Variants in METTL15 observed in about 807,000 individuals in gnomAD.
METTL15 encodes 12S rRNA N(4)-cytidine methyltransferase METTL15.
In METTL15, 34 loss-of-function variants were observed where a neutral mutation model predicts 38.3. The observed-to-expected ratio is 0.89, with a 90% CI of 0.68 to 1.18. METTL15 has a LOEUF of 1.18. METTL15 is among the 50% of genes most tolerant of loss of function. The pLI, the probability that METTL15 is intolerant of heterozygous loss-of-function variation, is 0.00. For missense variants in METTL15, 438 were observed against 498.4 expected (o/e 0.88, Z 1.15); for synonymous variants, 162 against 170.9 (o/e 0.95, Z 0.41).
Position 28,439,214 on chromosome 11 carries a change from G to A in METTL15, c.*424+14850G>A, listed in dbSNP as rs573612223. On this transcript the variant is annotated intron_variant and NMD_transcript_variant, in intron 6 of 7. Coordinates refer to the METTL15 transcript ENST00000532947. Reference sequence around the variant, plus strand: ...GAGGGAACAATTGAAGTCCTAAAGGGACTAGGATATCTGTGGAGGTTGACA... The same window carrying A: ...GAGGGAACAATTGAAGTCCTAAAGGAACTAGGATATCTGTGGAGGTTGACA... Among the ~76,000 whole-genome samples, 3 of 152,254 alleles carry A rather than the reference G, an allele frequency of 2.0e-5. No homozygotes were observed. The South Asian group carries it at 6.2e-4, about 32-fold the overall frequency.
At chr11:28,438,146 G>T (rs1020816245) in intron 6 of METTL15, among the ~76,000 whole-genome samples, 3 of 152,118 alleles carry the variant, frequency 2.0e-5, no homozygotes, top group Non-Finnish European at 4.4e-5. Context: ...TGATGTTAAT[G>T]GTAATTCCTT....
intron 3 of METTL15, among the ~76,000 whole-genome samples, chr11:28,346,214 G>T (rs1391343255): frequency 9.2e-5 from 14 of 152,088 alleles, no homozygotes; most frequent in Admixed American, 9.2e-4. Flanking sequence ...TTTTTAAATG[G>T]CATCATTTGA....
chr11:28,212,956 A>AT (rs764844846), intron 4 of METTL15, among the ~76,000 whole-genome samples: 6 of 151,376 alleles, frequency 4.0e-5, no homozygotes, highest in African/African-American at 9.7e-5. Context: ...ACCATGTGTA[A>AT]TTTTTTTTTA....
chr11:28,363,471 C>G (rs1365304358), intron 5 of METTL15, among the ~76,000 whole-genome samples: 2 of 152,172 alleles, frequency 1.3e-5, no homozygotes, highest in African/African-American at 4.8e-5. Flanking sequence ...TGCACCCAGC[C>G]TTCACTTGTA....
intron 4 of METTL15, among the ~76,000 whole-genome samples, chr11:28,251,131 C>T (rs989552445): frequency 1.3e-5 from 2 of 151,992 alleles, no homozygotes; most frequent in Non-Finnish European, 2.9e-5. Flanking sequence ...TCTGGTATTT[C>T]TATTAACTAG....
chr11:28,306,995 T>C (rs567262413), intron 6 of METTL15, among the ~76,000 whole-genome samples: 1 of 152,116 alleles, frequency 6.6e-6, no homozygotes, highest in East Asian at 1.9e-4. Flanking sequence ...ATATATTTTA[T>C]ATTTCTTATA....
intron 6 of METTL15, among the ~76,000 whole-genome samples, chr11:28,454,215 G>T (rs1590380248): frequency 1.3e-5 from 2 of 152,292 alleles, no homozygotes; most frequent in Middle Eastern, 3.4e-3. Flanking sequence ...TAATCCTCCA[G>T]CTTTACTGGT....
chr11:28,443,349 T>C (rs1851050546), intron 6 of METTL15, among the ~76,000 whole-genome samples: 1 of 152,156 alleles, frequency 6.6e-6, no homozygotes, highest in Non-Finnish European at 1.5e-5. Flanking sequence ...GAGTTCTCCC[T>C]ATCTTTCCAC....
chr11:28,495,836 G>A (rs1851531487), intron 6 of METTL15, among the ~76,000 whole-genome samples: 1 of 151,460 alleles, frequency 6.6e-6, no homozygotes, highest in Non-Finnish European at 1.5e-5. Context: ...ATGCTGGAAA[G>A]CTCAGAGAAA....
At chr11:28,117,904 T>C (rs1852044028) in intron 3 of METTL15, among the ~76,000 whole-genome samples, 1 of 152,222 alleles carries the variant, frequency 6.6e-6, no homozygotes, top group Admixed American at 6.5e-5. Flanking sequence ...CTTTTCAAAC[T>C]ATGAGTCATA....
intron 6 of METTL15, among the ~76,000 whole-genome samples, chr11:28,519,774 A>G (rs970548508): frequency 2.6e-4 from 40 of 152,288 alleles, no homozygotes; most frequent in African/African-American, 9.4e-4. Flanking sequence ...GCTAAAAAAA[A>G]ATAGCATAGA....
chr11:28,387,463 A>G (rs11030316), intron 5 of METTL15, among the ~76,000 whole-genome samples: 64,099 of 151,728 alleles, frequency 0.42, 14,942 homozygotes, highest in Admixed American at 0.54. Context: ...ATATATTTAC[A>G]GAACCATGCA....
At chr11:28,330,117 A>G (rs1475486617) in intron 6 of METTL15, among the ~76,000 whole-genome samples, 3 of 152,152 alleles carry the variant, frequency 2.0e-5, no homozygotes, top group South Asian at 4.2e-4. Context: ...GGATTTTGTT[A>G]TTATTTCTTT....
intron 6 of METTL15, among the ~76,000 whole-genome samples, chr11:28,471,035 G>A (rs1209918110): frequency 6.6e-6 from 1 of 152,038 alleles, no homozygotes. Flanking sequence ...AGCTCAGCTG[G>A]GTAGTTCTCA....
chr11:28,290,908 A>G, intron 5 of METTL15, among the ~76,000 whole-genome samples: 1 of 152,024 alleles, frequency 6.6e-6, no homozygotes, highest in South Asian at 2.1e-4. Context: ...AATTTATGAT[A>G]TGATATCAAA....
At chr11:28,338,174 C>T (rs779248382), downstream of METTL15, among the ~76,000 whole-genome samples, 5 of 152,010 alleles carry the variant, frequency 3.3e-5, no homozygotes, top group South Asian at 8.3e-4. Context: ...TTTCCCTCAG[C>T]CTGCAAACAT....
At chr11:28,112,532 T>C (rs1851764065) in intron 2 of METTL15, among the ~76,000 whole-genome samples, 1 of 152,192 alleles carries the variant, frequency 6.6e-6, no homozygotes. Context: ...TAAATCCTTT[T>C]TTTCTTCTGC....
At chr11:28,315,012 CT>C (rs1857432034) in intron 6 of METTL15, among the ~76,000 whole-genome samples, 1 of 152,170 alleles carries the variant, frequency 6.6e-6, no homozygotes, top group Admixed American at 6.5e-5. Context: ...TTGGCCCAGT[CT>C]CAGGTATGCC....
Position 28,372,615 on chromosome 11 carries a change from T to C in METTL15, c.*358+10579T>C, listed in dbSNP as rs1235530830. On this transcript the variant is annotated intron_variant and NMD_transcript_variant, in intron 5 of 7. Transcript: ENST00000532947. ...CTCAGAGACCACATTATTCTTTTTT[T>C]TTTCCTTTTTTTTATTATTATACTT... Among the ~76,000 whole-genome samples, 5 of 151,862 alleles carry C rather than the reference T, an allele frequency of 3.3e-5. No individual in the cohort carries two copies. In the South Asian group the frequency reaches 6.2e-4, roughly 19 times the overall value.
Sources: gnomAD v4.1 joint callset for allele counts (sites outside exome capture counted in the v4.1 genomes callset) on GRCh38, gnomAD v4.1.1 for gene constraint, MANE v1.5 for transcripts, NCBI Gene and HGNC (gene_info 2026-07-23, HGNC 2026-07-21) for gene names.